The following RARS2 variants were observed in gnomAD, a reference collection of about 807,000 sequenced individuals.
RARS2 encodes probable arginine--tRNA ligase, mitochondrial.
RARS2 carries 67 observed loss-of-function variants against 88.5 expected under a neutral mutation model. The observed-to-expected ratio is 0.76, with a 90% CI of 0.62 to 0.93. The LOEUF is 0.93. Ranked by LOEUF, RARS2 falls within the 40% of genes least tolerant of loss-of-function variation. RARS2 has a pLI of 0.00. For synonymous variants in RARS2, 239 were observed against 230.3 expected (o/e 1.04, Z -0.34); for missense variants, 664 against 684.2 (o/e 0.97, Z 0.33).
chr6:87,573,716 A>C (rs1770529349), intron 1 of RARS2, among the ~76,000 whole-genome samples: 1 of 152,206 alleles, frequency 6.6e-6, no homozygotes, highest in Admixed American at 6.6e-5. Context: ...AAAACCAAGA[A>C]GACTTCCGGG....
At chr6:87,531,115 T>TAGAC (rs1023367997) in intron 8 of RARS2, among the ~76,000 whole-genome samples, 173 bp from the exon 9 acceptor site, 1 of 152,188 alleles carries the variant, frequency 6.6e-6, no homozygotes, top group Non-Finnish European at 1.5e-5. Flanking sequence ...GTGAAGCATA[T>TAGAC]AGACCCCTTC....
intron 8 of RARS2, among the ~76,000 whole-genome samples, chr6:87,540,185 A>T (rs1780463582): frequency 6.6e-6 from 1 of 151,884 alleles, no homozygotes; most frequent in African/African-American, 2.4e-5. Flanking sequence ...TGCGGTGGCT[A>T]ACACCTGTAA....
In RARS2 at chr6:87,516,854, G is replaced by A; in HGVS notation, c.1538C>T (p.Ser513Phe). 1 of 1,613,842 alleles carries A rather than the reference G, an allele frequency of 6.2e-7. No individual in the cohort carries two copies. The highest frequency in any genetic ancestry group is 1.1e-5 in the South Asian group (1 of 91,074). ...LRFDEVLYKS[S>F]QDFQPRHIVS... Reference sequence around the variant, plus strand: ...GATATGCCTGGGTTGAAAGTCCTGAGATGATTTATAAAGCACCTCGTCGAA... The same window carrying A: ...GATATGCCTGGGTTGAAAGTCCTGAAATGATTTATAAAGCACCTCGTCGAA... The change falls in exon 18 of 20, where the codon TCT becomes TTT. Residue 513 changes from serine (S) to phenylalanine (F), a missense_variant. Transcript: ENST00000369536.
intron 12 of RARS2, 69 bp from the exon 13 acceptor site, chr6:87,520,325 G>A (rs1296450083): frequency 8.0e-7 from 1 of 1,256,700 alleles, no homozygotes. Flanking sequence ...GGTTGGACTT[G>A]AATCAAATTA....
chr6:87,521,374 T>G, intron 12 of RARS2, 90 bp downstream of exon 12: 1 of 1,008,994 alleles, frequency 9.9e-7, no homozygotes, highest in South Asian at 1.3e-5. Flanking sequence ...CTCTCTGTAG[T>G]TTTCCATAGT....
intron 8 of RARS2, among the ~76,000 whole-genome samples, chr6:87,539,272 G>A (rs186947089): frequency 7.3e-4 from 111 of 152,282 alleles, no homozygotes; most frequent in African/African-American, 2.6e-3. Flanking sequence ...AAAAAGTGAA[G>A]TAGAGGTTCC....
chr6:87,578,175 C>A (rs1772215837), intron 1 of RARS2, among the ~76,000 whole-genome samples: 1 of 151,042 alleles, frequency 6.6e-6, no homozygotes, highest in Admixed American at 6.6e-5. Flanking sequence ...CAGTAATGAG[C>A]ACATGAGGAA....
At position 87,545,674 on chromosome 6, in the gene RARS2, T is replaced by A; in HGVS notation, c.477A>T (p.Glu159Asp). The change falls in exon 7 of 20, where the codon GAA becomes GAT. Residue 159 changes from glutamate (E) to aspartate (D), a missense_variant. Coordinates refer to ENST00000369536, the MANE Select transcript of RARS2 (RefSeq NM_020320.5). ...TTCTTATTACTTGATGTCCTAAAGC[T>A]TCTTTGAGATTTGCTATAAAATTTC... ...IIGNFIANLK[E>D]ALGHQVIRIN... The A allele has an allele frequency of 1.2e-6, 2 of 1,613,522 alleles. No individual in the cohort carries two copies. Among genetic ancestry groups the A allele is most frequent in the Non-Finnish European group, 1.7e-6 (2 of 1,179,778 alleles).
intron 1 of RARS2, among the ~76,000 whole-genome samples, chr6:87,575,254 C>CACACACACAG (rs1771073486): frequency 6.7e-6 from 1 of 150,310 alleles, no homozygotes; most frequent in Non-Finnish European, 1.5e-5. Context: ...CACACACACA[C>CACACACACAG]ACACACACAC....
At chr6:87,545,427 C>T (rs566204200) in intron 7 of RARS2, among the ~76,000 whole-genome samples, 189 bp downstream of exon 7, 1 of 148,962 alleles carries the variant, frequency 6.7e-6, no homozygotes, top group South Asian at 2.1e-4. Context: ...CCAAAGGTAA[C>T]TTGTGTGGTG....
rs899002893 is a variant in RARS2 at position 87,568,036 on chromosome 6, G to A, written c.110+1481C>T. ...TCTGCCTGCCTCGGCCTCCCAAAGT[G>A]CTGGGATTACAGGCGTGAGCCACCG... On this transcript the variant is annotated intron_variant, in intron 2 of 19. Coordinates refer to ENST00000369536, the MANE Select transcript of RARS2 (RefSeq NM_020320.5). Among the ~76,000 whole-genome samples, 3 of 152,268 alleles carry A rather than the reference G, an allele frequency of 2.0e-5. No individual in the cohort carries two copies. The South Asian group carries it at 6.2e-4, about 32-fold the overall frequency.
rs532390002 is a variant in RARS2, at chr6:87,514,331, T to G, written c.*82A>C. 4 of 979,596 alleles carry G rather than the reference T, an allele frequency of 4.1e-6. No individual in the cohort carries two copies. The East Asian group carries it at 1.1e-4, about 26-fold the overall frequency. 60.7% of individuals were successfully genotyped at this position (979,596 alleles called of 1,614,324 possible). A position where few individuals can be genotyped will look rare whatever the true frequency, so the allele number is the denominator to read the frequency against. On this transcript the variant is annotated 3_prime_UTR_variant, in exon 20 of 20. Transcript: ENST00000369536. ...CATCTCAAAAAAAAAAAAAAAAAATTTAAATTTATTCTGAACAGCAAGGCA... is the reference window on the plus strand; with the variant it reads ...CATCTCAAAAAAAAAAAAAAAAAATGTAAATTTATTCTGAACAGCAAGGCA...
At chr6:87,518,031 CT>C in intron 17 of RARS2, 137 bp downstream of exon 17, 2 of 1,533,306 alleles carry the variant, frequency 1.3e-6, no homozygotes, top group Non-Finnish European at 8.9e-7. Context: ...CAAATAATCA[CT>C]TTTTAAGGCA....
At chr6:87,540,470 A>C (rs1045717498) in intron 8 of RARS2, among the ~76,000 whole-genome samples, 40 of 151,366 alleles carry the variant, frequency 2.6e-4, no homozygotes, top group African/African-American at 9.2e-4. Flanking sequence ...AAAAAAAAAA[A>C]CTGGAATATG....
chr6:87,523,118 C>T (rs2128027394), intron 11 of RARS2, among the ~76,000 whole-genome samples: 1 of 152,110 alleles, frequency 6.6e-6, no homozygotes, highest in Admixed American at 6.5e-5. Context: ...AAATAGACAC[C>T]TGTTATATTT....
intron 8 of RARS2, among the ~76,000 whole-genome samples, chr6:87,537,975 G>T (rs189884704): frequency 6.6e-6 from 1 of 152,254 alleles, no homozygotes; most frequent in Admixed American, 6.5e-5. Flanking sequence ...AAATTGAGTT[G>T]TTGACATTCA....
rs373773842 is a variant in RARS2 at position 87,569,494 on chromosome 6, G to A, written c.110+23C>T. The A allele has an allele frequency of 1.9e-6, 3 of 1,538,764 alleles. No homozygotes were observed. In the African/African-American group the frequency reaches 4.1e-5, roughly 21 times the overall value. On this transcript the variant is annotated intron_variant, in intron 2 of 19. Coordinates refer to ENST00000369536, the MANE Select transcript of RARS2 (RefSeq NM_020320.5). ...CAAAGTCAGCAACATTTTATAGATT[G>A]TTACAAGTGTATTATACTTAACTCT...
chr6:87,515,010 C>T lies in RARS2; in HGVS notation c.1597G>A (p.Ala533Thr). 2 of 1,613,016 alleles carry T rather than the reference C, an allele frequency of 1.2e-6. No individual in the cohort carries two copies. Among genetic ancestry groups the T allele is most frequent in the Non-Finnish European group, 1.7e-6 (2 of 1,178,996 alleles). The change falls in exon 19 of 20, where the codon GCT (alanine) becomes ACT (threonine). Residue 533 changes from alanine (A) to threonine (T), a missense_variant. Transcript: ENST00000369536. ...SYLLTLSHLAAVAHKTLQIKD... is the reference protein window; with the variant it reads ...SYLLTLSHLATVAHKTLQIKD... The stretch of plus-strand genomic sequence containing the variant: ...ATTTGTAGTGTTTTGTGTGCCACAG[C>T]TGCAAGATGACTGAAACAGGAAGAG...
chr6:87,534,019 A>G (rs1486243374), intron 8 of RARS2, among the ~76,000 whole-genome samples: 14 of 152,216 alleles, frequency 9.2e-5, no homozygotes, highest in Non-Finnish European at 2.9e-5. Context: ...CTTAAAATGC[A>G]CTGAATTTTT....
Sources: allele counts gnomAD v4.1 joint callset (sites outside exome capture counted in the v4.1 genomes callset), GRCh38; gene constraint gnomAD v4.1.1; transcripts MANE v1.5; gene names NCBI Gene and HGNC (gene_info 2026-07-23, HGNC 2026-07-21).